DPH6: variants seen among roughly 807,000 people sequenced by gnomAD.
DPH6 encodes the protein diphthine--ammonia ligase.
Under a neutral mutation model 38.2 loss-of-function variants are expected in DPH6, and 33 were observed. The ratio of observed to expected loss-of-function variants is 0.86; its 90% confidence interval spans 0.65 to 1.15. The LOEUF is 1.15. DPH6 is among the 50% of genes most tolerant of loss of function. The pLI, the probability that DPH6 is intolerant of heterozygous loss-of-function variation, is 0.00. For missense variants in DPH6, 325 were observed against 320.0 expected (o/e 1.02, Z -0.12); for synonymous variants, 108 against 103.0 (o/e 1.05, Z -0.30).
intron 3 of DPH6, among the ~76,000 whole-genome samples, chr15:35,489,045 C>T (rs1256227884): frequency 6.6e-6 from 1 of 152,008 alleles, no homozygotes; most frequent in Non-Finnish European, 1.5e-5. Context: ...TATGTGGCAC[C>T]CACAGACTTT....
At chr15:35,348,746 A>C (rs2052483045) in intron 3 of DPH6, among the ~76,000 whole-genome samples, 1 of 152,124 alleles carries the variant, frequency 6.6e-6, no homozygotes, top group African/African-American at 2.4e-5. Flanking sequence ...CAGTACAAAT[A>C]TTTTAACACT....
At chr15:35,401,298 T>C (rs911019993) in intron 6 of DPH6, 2 of 855,592 alleles carry the variant, frequency 2.3e-6, no homozygotes, top group African/African-American at 3.3e-5. Flanking sequence ...ATGACAACTT[T>C]GGTAGTGGAG....
intron 3 of DPH6, among the ~76,000 whole-genome samples, chr15:35,482,930 C>T (rs918481472): frequency 1.3e-5 from 2 of 151,732 alleles, no homozygotes; most frequent in Admixed American, 1.3e-4. Flanking sequence ...AATCATACAT[C>T]TGATAAAATG....
In DPH6 at chr15:35,317,129, T is replaced by G. The variant is rs181949014; in HGVS notation, n.200+56392A>C. Among the ~76,000 whole-genome samples the G allele has an allele frequency of 5.9e-5, 9 of 151,936 alleles. No individual in the cohort carries two copies. The East Asian group carries it at 1.6e-3, about 26-fold the overall frequency. On this transcript the variant is annotated intron_variant and non_coding_transcript_variant, in intron 3 of 3. Transcript: ENST00000560386. ...AAAAAATTAGCCAGGCGTGGTGGCA[T>G]GTGCCTGTAGTCCCAGCTACTTGGG...
chr15:35,221,731 G>T (rs1256099930), intron 3 of DPH6, among the ~76,000 whole-genome samples: 1 of 152,100 alleles, frequency 6.6e-6, no homozygotes, highest in Non-Finnish European at 1.5e-5. Flanking sequence ...CTACCCCGTT[G>T]GTATTCTCTC....
intron 3 of DPH6, among the ~76,000 whole-genome samples, chr15:35,292,501 T>C (rs1249891276): frequency 6.6e-6 from 1 of 152,144 alleles, no homozygotes; most frequent in Non-Finnish European, 1.5e-5. Flanking sequence ...TCAGGACTAA[T>C]ATGATAACAG....
At chr15:35,531,631 G>A (rs769055194) in intron 3 of DPH6, among the ~76,000 whole-genome samples, 47 of 151,978 alleles carry the variant, frequency 3.1e-4, no homozygotes, top group Non-Finnish European at 6.5e-4. Context: ...GCACCACCAC[G>A]CCCAGCTAAT....
intron 3 of DPH6, among the ~76,000 whole-genome samples, chr15:35,238,598 A>C (rs1233497946): frequency 6.6e-6 from 1 of 152,160 alleles, no homozygotes; most frequent in Admixed American, 6.5e-5. Flanking sequence ...GGAAAAGACT[A>C]TGTTGCCTAT....
chr15:35,499,574 G>A (rs1302425355), intron 3 of DPH6, among the ~76,000 whole-genome samples: 1 of 152,170 alleles, frequency 6.6e-6, no homozygotes, highest in Admixed American at 6.5e-5. Context: ...GGAAGATAAT[G>A]AGGGAAGAAT....
chr15:35,542,263 C>G (rs1464915659), intron 2 of DPH6, 150 bp downstream of exon 2: 2 of 562,532 alleles, frequency 3.6e-6, no homozygotes, highest in East Asian at 5.6e-5. Context: ...ACACTTAATG[C>G]TAAGTTCTAG....
chr15:35,320,376 G>T (rs772625013), intron 3 of DPH6, among the ~76,000 whole-genome samples: 4 of 152,122 alleles, frequency 2.6e-5, no homozygotes, highest in African/African-American at 2.4e-5. Flanking sequence ...TATATGGTTG[G>T]ATATCTTTTG....
chr15:35,342,624 C>G (rs983118803), intron 3 of DPH6, among the ~76,000 whole-genome samples: 2 of 152,148 alleles, frequency 1.3e-5, no homozygotes, highest in East Asian at 3.9e-4. Context: ...GTTGGCCCCT[C>G]CAAAGTGGTT....
chr15:35,466,921 G>A (rs2054133579), intron 3 of DPH6, among the ~76,000 whole-genome samples: 1 of 152,156 alleles, frequency 6.6e-6, no homozygotes, highest in Admixed American at 6.5e-5. Flanking sequence ...CATGGTTGGA[G>A]CTTACAGGAC....
intron 5 of DPH6, among the ~76,000 whole-genome samples, chr15:35,447,437 C>G (rs544621675): frequency 1.4e-5 from 2 of 138,956 alleles, no homozygotes; most frequent in Non-Finnish European, 3.3e-5. Flanking sequence ...TCTTATACGT[C>G]CCCCCCCGCC....
At chr15:35,277,556 C>T (rs1034061334) in intron 3 of DPH6, among the ~76,000 whole-genome samples, 1 of 152,044 alleles carries the variant, frequency 6.6e-6, no homozygotes, top group South Asian at 2.1e-4. Flanking sequence ...AACTGGGTAA[C>T]AGGCAGAAGT....
At chr15:35,348,874 CTA>C (rs2052484790) in intron 3 of DPH6, among the ~76,000 whole-genome samples, 1 of 150,928 alleles carries the variant, frequency 6.6e-6, no homozygotes, top group Non-Finnish European at 1.5e-5. Context: ...CCTGGAGCAA[CTA>C]TATCTATAAG....
chr15:35,213,846 C>T (rs2051398912), downstream of DPH6, among the ~76,000 whole-genome samples: 1 of 152,230 alleles, frequency 6.6e-6, no homozygotes, highest in South Asian at 2.1e-4. Flanking sequence ...GGCGCGGTGG[C>T]TCACGCCTGT....
intron 3 of DPH6, among the ~76,000 whole-genome samples, chr15:35,283,658 C>A (rs932222723): frequency 5.9e-5 from 9 of 151,938 alleles, no homozygotes; most frequent in African/African-American, 2.2e-4. Context: ...CCTCTAGAAT[C>A]CTATCACCAA....
chr15:35,213,279 T>G (rs892739829), downstream of DPH6, among the ~76,000 whole-genome samples: 3 of 152,096 alleles, frequency 2.0e-5, no homozygotes, highest in Non-Finnish European at 4.4e-5. Flanking sequence ...CAACTAAATT[T>G]AGAAAAAAGA....
Sources: allele counts gnomAD v4.1 joint callset (sites outside exome capture counted in the v4.1 genomes callset), GRCh38; gene constraint gnomAD v4.1.1; transcripts MANE v1.5; gene names NCBI Gene and HGNC (gene_info 2026-07-23, HGNC 2026-07-21).